The following NET1 variants were observed in gnomAD, a reference collection of about 807,000 sequenced individuals.
NET1 encodes the protein neuroepithelial cell-transforming gene 1 protein.
A neutral mutation model predicts 61.1 loss-of-function variants in NET1; 42 were observed. The observed-to-expected ratio is 0.69, with a 90% CI of 0.54 to 0.89. The LOEUF is 0.89. Among genes scored for constraint, NET1 ranks in the 40% least tolerant of loss-of-function variants. The probability of loss-of-function intolerance (pLI) is 0.00; values close to 1 mark genes in which losing one functional copy is unlikely to be tolerated. For synonymous variants in NET1, 254 were observed against 281.8 expected (o/e 0.90, Z 0.99); for missense variants, 654 against 747.3 (o/e 0.88, Z 1.46).
chr10:5,429,019 C>A, intron 2 of NET1, 151 bp from the exon 3 acceptor site: 1 of 492,904 alleles, frequency 2.0e-6, no homozygotes, highest in Non-Finnish European at 3.5e-6. Context: ...CAGACGTGAG[C>A]CACCGCGCCT....
In NET1 at chr10:5,417,862, G is replaced by A. The variant is rs1300772885; in HGVS notation, c.128+5042G>A. Among the ~76,000 whole-genome samples, 1 of 152,096 alleles carries A rather than the reference G, an allele frequency of 6.6e-6. No homozygotes were observed. Among genetic ancestry groups the A allele is most frequent in the Admixed American group, 6.6e-5 (1 of 15,266 alleles). On this transcript the variant is annotated intron_variant, in intron 1 of 11. Coordinates refer to ENST00000355029, the MANE Select transcript of NET1 (RefSeq NM_001047160.3). The surrounding 1 kb of genome is among the most constrained non-coding windows in gnomAD (Gnocchi z 5.5). ...AAGTTCCATTCTGTTACTAGTTTTT[G>A]AGTGGTTTTTATCATGAAAGGTTTT...
chr10:5,452,628 C>A lies in NET1; in HGVS notation c.531+103C>A. The A allele has an allele frequency of 1.6e-6, 2 of 1,229,130 alleles. No homozygotes were observed. Among genetic ancestry groups the A allele is most frequent in the Non-Finnish European group, 1.1e-6 (1 of 879,780 alleles). The allele number at this position is 1,229,130 out of a possible 1,614,324, so 76.1% of individuals were successfully genotyped here. Reference sequence around the variant, plus strand: ...TGTGTTTGAGCAACAATTCCTAATACATGGTGAACAAAACCTAATGATGGA... The same window carrying A: ...TGTGTTTGAGCAACAATTCCTAATAAATGGTGAACAAAACCTAATGATGGA... On this transcript the variant is annotated intron_variant, in intron 5 of 11. Coordinates refer to ENST00000355029, the MANE Select transcript of NET1 (RefSeq NM_001047160.3). This position sits in a 1 kb window ranked among gnomAD's most constrained non-coding sequence, Gnocchi z 4.0.
Position 5,453,457 on chromosome 10 carries a change from G to T in NET1, c.692-27G>T. 1 of 1,609,444 alleles carries T rather than the reference G, an allele frequency of 6.2e-7. No individual in the cohort carries two copies. The highest frequency in any genetic ancestry group is 1.1e-5 in the South Asian group (1 of 90,954). On this transcript the variant is annotated intron_variant, in intron 7 of 11. Coordinates refer to ENST00000355029, the MANE Select transcript of NET1 (RefSeq NM_001047160.3). The surrounding 1 kb of genome is among the most constrained non-coding windows in gnomAD (Gnocchi z 4.9). ...CTATTTTTTAAATAAACCTGTTAAT[G>T]GTGTTTATGCTTTTTTATCACTTCA...
chr10:5,412,918 G>A lies in NET1; in HGVS notation c.128+98G>A. 1 of 1,150,978 alleles carries A rather than the reference G, an allele frequency of 8.7e-7. No individual in the cohort carries two copies. The highest frequency in any genetic ancestry group is 1.1e-6 in the Non-Finnish European group (1 of 913,614). The allele number at this position is 1,150,978 out of a possible 1,614,324, so 71.3% of individuals were successfully genotyped here. ...GTTGGAGAGGCAAGGGCCGGGGGGA[G>A]GGGAGGGCTGGCCGGGAGTTGGATG... is the stretch of plus-strand genomic sequence containing the variant. On this transcript the variant is annotated intron_variant, in intron 1 of 11. Coordinates refer to ENST00000355029, the MANE Select transcript of NET1 (RefSeq NM_001047160.3). The surrounding 1 kb of genome is among the most constrained non-coding windows in gnomAD (Gnocchi z 6.5).
intron 3 of NET1, among the ~76,000 whole-genome samples, chr10:5,442,570 T>C (rs190504775): frequency 6.6e-6 from 1 of 152,304 alleles, no homozygotes; most frequent in East Asian, 1.9e-4. Flanking sequence ...AATCTGTGCC[T>C]CAGTTACGCC....
chr10:5,432,427 TTA>T (rs1398757791), intron 3 of NET1, among the ~76,000 whole-genome samples: 5 of 152,178 alleles, frequency 3.3e-5, no homozygotes, highest in South Asian at 2.1e-4. Context: ...TGAAAACGTT[TTA>T]TGTTTTCTTG....
chr10:5,422,756 A>G lies in NET1; in HGVS notation c.129-3899A>G, dbSNP rs1348989368. Among the ~76,000 whole-genome samples, 2 of 152,230 alleles carry G rather than the reference A, an allele frequency of 1.3e-5. No individual in the cohort carries two copies. The highest frequency in any genetic ancestry group is 2.9e-5 in the Non-Finnish European group (2 of 68,036). On this transcript the variant is annotated intron_variant, in intron 1 of 11. Coordinates refer to ENST00000355029, the MANE Select transcript of NET1 (RefSeq NM_001047160.3). This position sits in a 1 kb window ranked among gnomAD's most constrained non-coding sequence, Gnocchi z 4.1. ...AGGAGACATAGTCTACATGATTGTCAGAAGTGGAAGAAGAGACAACTCCTT... is the reference window on the plus strand; with the variant it reads ...AGGAGACATAGTCTACATGATTGTCGGAAGTGGAAGAAGAGACAACTCCTT...
rs538157707 is a variant in NET1, at chr10:5,451,016, G to A, written c.256-814G>A. On this transcript the variant is annotated intron_variant, in intron 3 of 11. Coordinates refer to ENST00000355029, the MANE Select transcript of NET1 (RefSeq NM_001047160.3). The surrounding 1 kb of genome is among the most constrained non-coding windows in gnomAD (Gnocchi z 6.1). ...ATCTATGAATCCCAGTGTTTATGTAGTAAATGGAAATATTCCTAAAATCTG... is the reference window on the plus strand; with the variant it reads ...ATCTATGAATCCCAGTGTTTATGTAATAAATGGAAATATTCCTAAAATCTG... Among the ~76,000 whole-genome samples the A allele has an allele frequency of 6.6e-6, 1 of 152,182 alleles. No homozygotes were observed. Among genetic ancestry groups the A allele is most frequent in the Non-Finnish European group, 1.5e-5 (1 of 68,036 alleles).
chr10:5,452,238 T>C lies in NET1; in HGVS notation c.364-120T>C. 1 of 929,532 alleles carries C rather than the reference T, an allele frequency of 1.1e-6. No homozygotes were observed. 57.6% of individuals were successfully genotyped at this position (929,532 alleles called of 1,614,324 possible). Reference sequence around the variant, plus strand: ...GGTGGAAACTTGGATAAATTATTGTTTTCTGCATTGAGAAATTCTCAGAAC... The same window carrying C: ...GGTGGAAACTTGGATAAATTATTGTCTTCTGCATTGAGAAATTCTCAGAAC... On this transcript the variant is annotated intron_variant, in intron 4 of 11. Coordinates refer to ENST00000355029, the MANE Select transcript of NET1 (RefSeq NM_001047160.3). This position sits in a 1 kb window ranked among gnomAD's most constrained non-coding sequence, Gnocchi z 4.0.
chr10:5,453,509 A>C lies in NET1; in HGVS notation c.717A>C (p.Ala239=). 2 of 1,614,208 alleles carry C rather than the reference A, an allele frequency of 1.2e-6. No individual in the cohort carries two copies. The highest frequency in any genetic ancestry group is 1.7e-6 in the Non-Finnish European group (2 of 1,180,022). Residue 239 remains alanine (A), a synonymous_variant, in exon 8 of 12, where the codon GCA becomes GCC. Coordinates refer to ENST00000355029, the MANE Select transcript of NET1 (RefSeq NM_001047160.3). This position sits in a 1 kb window ranked among gnomAD's most constrained non-coding sequence, Gnocchi z 4.9. ...HEDLLTRIGE[A]TKPDGTVEQI... ...ATTTGTTGACAAGAATAGGAGAAGC[A>C]ACCAAGCCTGATGGAACAGTGGAGC...
In NET1 at chr10:5,456,141, C is replaced by A; in HGVS notation, c.1252C>A (p.Arg418=). 6.2e-7 allele frequency: 1 copy of A among 1,614,136 alleles called. No homozygotes were observed. Among genetic ancestry groups the A allele is most frequent in the Non-Finnish European group, 8.5e-7 (1 of 1,180,000 alleles). ...DILVLTRPVT[R]NERHSYQVYR... is the part of the protein sequence containing the mutation. ...CTTGGTTCTGACTCGGCCCGTCACA[C>A]GGAACGAACGGCACTCTTACCAGGT... Residue 418 remains arginine (R), a synonymous_variant, in exon 11 of 12, where the codon CGG becomes AGG. Transcript: ENST00000355029. The surrounding 1 kb of genome is among the most constrained non-coding windows in gnomAD (Gnocchi z 7.0).
intron 1 of NET1, among the ~76,000 whole-genome samples, chr10:5,413,563 C>G (rs972739525): frequency 6.6e-6 from 1 of 151,890 alleles, no homozygotes; most frequent in South Asian, 2.1e-4. Context: ...ATCCAGGAGG[C>G]CAAATGAAGA....
At chr10:5,436,240 A>T (rs1832434063) in intron 3 of NET1, among the ~76,000 whole-genome samples, 1 of 23,316 alleles carries the variant, frequency 4.3e-5, no homozygotes, top group African/African-American at 1.3e-4. Flanking sequence ...ATATATATAT[A>T]TATATATATT....
Position 5,446,526 on chromosome 10 carries a change from G to A in NET1, c.256-5304G>A. On this transcript the variant is annotated intron_variant, in intron 3 of 11. Coordinates refer to ENST00000355029, the MANE Select transcript of NET1 (RefSeq NM_001047160.3). The surrounding 1 kb of genome is among the most constrained non-coding windows in gnomAD (Gnocchi z 5.0). ...GCTCTCAGTTAACTGAAGTCACGTG[G>A]TGGTGGACCCCGCCCCCAGGGCCCG... 9.0e-7 allele frequency: 1 copy of A among 1,114,940 alleles called. No individual in the cohort carries two copies. Among genetic ancestry groups the A allele is most frequent in the Non-Finnish European group, 1.1e-6 (1 of 912,316 alleles). The allele number at this position is 1,114,940 out of a possible 1,614,324, so 69.1% of individuals were successfully genotyped here.
At position 5,420,971 on chromosome 10, in the gene NET1, G is replaced by GT. The variant is rs938518874; in HGVS notation, c.129-5677dup. ...GAACGAGGACTGCTTTTCTGGCCTA[G>GT]TTTTTTTGATACCAAGTCTGTTCTG... On this transcript the variant is annotated intron_variant, in intron 1 of 11. Transcript: ENST00000355029. This position sits in a 1 kb window ranked among gnomAD's most constrained non-coding sequence, Gnocchi z 5.3. Among the ~76,000 whole-genome samples, 3 of 152,118 alleles carry GT rather than the reference G, an allele frequency of 2.0e-5. No homozygotes were observed. The highest frequency in any genetic ancestry group is 2.9e-5 in the Non-Finnish European group (2 of 68,014).
rs530032989 is a variant in NET1, at chr10:5,422,188, T to G, written c.129-4467T>G. Among the ~76,000 whole-genome samples the G allele has an allele frequency of 2.6e-5, 4 of 152,142 alleles. No individual in the cohort carries two copies. The highest frequency in any genetic ancestry group is 1.9e-4 in the East Asian group (1 of 5,170). On this transcript the variant is annotated intron_variant, in intron 1 of 11. Transcript: ENST00000355029. The surrounding 1 kb of genome is among the most constrained non-coding windows in gnomAD (Gnocchi z 4.1). ...CCTGTCTCTACTAAAAATATAAAAT[T>G]TAGCTGGGCATGGTGGCGTGCCCCT...
chr10:5,452,474 G>T lies in NET1; in HGVS notation c.480G>T (p.Leu160=), dbSNP rs1832721581. The T allele has an allele frequency of 6.2e-7, 1 of 1,614,006 alleles. No homozygotes were observed. The highest frequency in any genetic ancestry group is 1.7e-5 in the Admixed American group (1 of 59,990). The part of the protein sequence containing the change: ...RRSSALWSEM[L]DITMKESLTT... ...GCAGTGCACTGTGGTCAGAGATGCTGGACATCACCATGAAGGAGTCTCTCA... is the reference window on the plus strand; with the variant it reads ...GCAGTGCACTGTGGTCAGAGATGCTTGACATCACCATGAAGGAGTCTCTCA... The change falls in exon 5 of 12, where the codon CTG becomes CTT. Residue 160 remains leucine, a synonymous_variant. Coordinates refer to ENST00000355029, the MANE Select transcript of NET1 (RefSeq NM_001047160.3). This position sits in a 1 kb window ranked among gnomAD's most constrained non-coding sequence, Gnocchi z 4.0.
chr10:5,451,978 T>C lies in NET1; in HGVS notation c.363+41T>C, dbSNP rs1298643794. Reference sequence around the variant, plus strand: ...GAAGAGTAATGTAGTCAGCGGACTTTATAGAAGCCTGGAATTTGTAGTTGT... The same window carrying C: ...GAAGAGTAATGTAGTCAGCGGACTTCATAGAAGCCTGGAATTTGTAGTTGT... On this transcript the variant is annotated intron_variant, in intron 4 of 11. Coordinates refer to ENST00000355029, the MANE Select transcript of NET1 (RefSeq NM_001047160.3). The surrounding 1 kb of genome is among the most constrained non-coding windows in gnomAD (Gnocchi z 6.1). The C allele has an allele frequency of 2.1e-6, 3 of 1,449,318 alleles. No individual in the cohort carries two copies. Among genetic ancestry groups the C allele is most frequent in the Admixed American group, 1.7e-5 (1 of 57,206 alleles). 89.8% of individuals were successfully genotyped at this position (1,449,318 alleles called of 1,614,324 possible).
rs757355304 is a variant in NET1 at position 5,456,155 on chromosome 10, C to T, written c.1266C>T (p.His422=). Residue 422 remains histidine, a synonymous_variant, in exon 11 of 12, where the codon CAC becomes CAT. Transcript: ENST00000355029. This position sits in a 1 kb window ranked among gnomAD's most constrained non-coding sequence, Gnocchi z 7.0. ...LTRPVTRNER[H]SYQVYRQPIP... ...GGCCCGTCACACGGAACGAACGGCACTCTTACCAGGTTTACCGGCAGCCAA... is the reference window on the plus strand; with the variant it reads ...GGCCCGTCACACGGAACGAACGGCATTCTTACCAGGTTTACCGGCAGCCAA... 1.9e-6 allele frequency: 3 copies of T among 1,614,066 alleles called. No homozygotes were observed. Among genetic ancestry groups the T allele is most frequent in the Non-Finnish European group, 2.5e-6 (3 of 1,180,046 alleles).
Sources: gnomAD v4.1 joint callset for allele counts (sites outside exome capture counted in the v4.1 genomes callset) on GRCh38, gnomAD v4.1.1 for gene constraint, Gnocchi (gnomAD v3.1) non-coding constraint, MANE v1.5 for transcripts, NCBI Gene and HGNC (gene_info 2026-07-23, HGNC 2026-07-21) for gene names.